CACNA1D: variants seen among roughly 807,000 people sequenced by gnomAD.
CACNA1D encodes the protein voltage-dependent L-type calcium channel subunit alpha-1D.
A neutral mutation model predicts 257.1 loss-of-function variants in CACNA1D; 55 were observed. The observed-to-expected ratio is 0.21, with a 90% CI of 0.17 to 0.27. CACNA1D has a LOEUF of 0.27. Ranked by LOEUF, CACNA1D falls within the 10% of genes least tolerant of loss-of-function variation. The pLI, the probability that CACNA1D is intolerant of heterozygous loss-of-function variation, is 1.00. For missense variants in CACNA1D, 1,876 were observed against 2,784.0 expected, an observed-to-expected ratio of 0.67 and a Z score of 7.34; for synonymous variants, 980 against 1,014.9, an observed-to-expected ratio of 0.97 and a Z score of 0.65.
At chr3:53,750,581 G>C (rs2095216395) in intron 27 of CACNA1D, among the ~76,000 whole-genome samples, 1 of 152,210 alleles carries the variant, frequency 6.6e-6, no homozygotes, top group African/African-American at 2.4e-5. Flanking sequence ...GGGTGTCCCT[G>C]TAGACTCCAC....
intron 8 of CACNA1D, among the ~76,000 whole-genome samples, chr3:53,684,175 A>G (rs927101140): frequency 6.6e-6 from 1 of 152,234 alleles, no homozygotes; most frequent in African/African-American, 2.4e-5. Context: ...AAGCAAGAAT[A>G]CCCTTCACAA....
chr3:53,769,899 G>A, intron 30 of CACNA1D, 74 bp from the exon 31 acceptor site: 1 of 1,156,170 alleles, frequency 8.6e-7, no homozygotes, highest in Non-Finnish European at 1.3e-6. Flanking sequence ...TTTTTTTAAA[G>A]GGGGAAATGC....
Position 53,655,424 on chromosome 3 carries a change from A to G in CACNA1D, c.623+4506A>G, listed in dbSNP as rs111605359. Among the ~76,000 whole-genome samples the G allele has an allele frequency of 1.2e-4, 19 of 152,170 alleles. 1 individual carries two copies. The highest frequency in any genetic ancestry group is 4.6e-4 in the African/African-American group (19 of 41,494). On this transcript the variant is annotated intron_variant, in intron 4 of 47. Transcript: ENST00000350061. Reference sequence around the variant, plus strand: ...TTCCACAATGGATGAACTAGTTCACACTCCCACCAACAGTGTATAAGCATT... The same window carrying G: ...TTCCACAATGGATGAACTAGTTCACGCTCCCACCAACAGTGTATAAGCATT...
At chr3:53,548,055 C>G (rs1166642320) in intron 3 of CACNA1D, among the ~76,000 whole-genome samples, 3 of 152,134 alleles carry the variant, frequency 2.0e-5, no homozygotes, top group Non-Finnish European at 4.4e-5. Context: ...GGCTTGTCCC[C>G]ACTTCCATCA....
At position 53,789,123 on chromosome 3, in the gene CACNA1D, G is replaced by A. The variant is rs1210795877; in HGVS notation, c.4923+2171G>A. Among the ~76,000 whole-genome samples the A allele has an allele frequency of 2.0e-5, 3 of 152,018 alleles. No homozygotes were observed. Among genetic ancestry groups the A allele is most frequent in the Admixed American group, 6.5e-5 (1 of 15,268 alleles). On this transcript the variant is annotated intron_variant, in intron 40 of 47. Coordinates refer to ENST00000350061, the MANE Select transcript of CACNA1D (RefSeq NM_001128840.3). This position sits in a 1 kb window ranked among gnomAD's most constrained non-coding sequence, Gnocchi z 4.2. Reference sequence around the variant, plus strand: ...CTTTTTGTGTTGCAATAATGTTGAGGGTTTCTCCTAAACGTTTTTCATTTT... The same window carrying A: ...CTTTTTGTGTTGCAATAATGTTGAGAGTTTCTCCTAAACGTTTTTCATTTT...
chr3:53,499,680 A>G (rs2090508274), intron 2 of CACNA1D, among the ~76,000 whole-genome samples: 1 of 152,212 alleles, frequency 6.6e-6, no homozygotes, highest in African/African-American at 2.4e-5. Flanking sequence ...CAGTGTTAGT[A>G]TTTCTCAGAT....
chr3:53,754,355 T>C (rs1282739297), intron 29 of CACNA1D, among the ~76,000 whole-genome samples: 1 of 152,200 alleles, frequency 6.6e-6, no homozygotes, highest in Non-Finnish European at 1.5e-5. Context: ...TAGTTCAGTG[T>C]CAAATTGCAT....
At chr3:53,740,206 T>G in intron 20 of CACNA1D, 74 bp from the exon 21 acceptor site, 1 of 1,062,460 alleles carries the variant, frequency 9.4e-7, no homozygotes, top group Non-Finnish European at 1.5e-6. Context: ...GATCGGGGGT[T>G]TCTGCCTGTA....
At chr3:53,531,018 ATTTTTTTT>A (rs11328561) in intron 3 of CACNA1D, among the ~76,000 whole-genome samples, 2 of 118,900 alleles carry the variant, frequency 1.7e-5, no homozygotes, top group Non-Finnish European at 3.6e-5. Flanking sequence ...GCTAATTTTA[ATTTTTTTT>A]TTTTTTTTTT....
In CACNA1D at chr3:53,665,725, G is replaced by A. The variant is rs761232494; in HGVS notation, c.832G>A (p.Val278Ile). 6.2e-7 allele frequency: 1 copy of A among 1,604,348 alleles called. No individual in the cohort carries two copies. The highest frequency in any genetic ancestry group is 8.5e-7 in the Non-Finnish European group (1 of 1,171,390). ...MVPLLHIALL[V>I]LFVIIIYAII... The stretch of plus-strand genomic sequence containing the variant: ...TCCCCTCCTTCACATAGCCCTTTTG[G>A]TATTATTTGTAATCATAATCTATGC... Residue 278 changes from valine (V) to isoleucine (I), a missense_variant, in exon 6 of 48, where the codon GTA becomes ATA. Val to Ile is a conservative substitution (Grantham distance 29). Around this residue, in one of 10 missense-constraint regions of CACNA1D, gnomAD observed 188 missense variants for 390.4 expected, o/e 0.48. Coordinates refer to ENST00000350061, the MANE Select transcript of CACNA1D (RefSeq NM_001128840.3).
intron 10 of CACNA1D, 52 bp from the exon 11 acceptor site, chr3:53,719,703 T>C: frequency 6.5e-7 from 1 of 1,532,284 alleles, no homozygotes; most frequent in Non-Finnish European, 9.0e-7. Context: ...ATGGGGAGTG[T>C]GTGCTCAAGC....
intron 30 of CACNA1D, among the ~76,000 whole-genome samples, chr3:53,764,383 T>G (rs1241147025): frequency 2.0e-5 from 3 of 152,344 alleles, no homozygotes; most frequent in South Asian, 4.1e-4. Flanking sequence ...GAACATACCC[T>G]TCTGTGAGCC....
At position 53,602,179 on chromosome 3, in the gene CACNA1D, T is replaced by G. The variant is rs1010162403; in HGVS notation, c.484-48600T>G. Among the ~76,000 whole-genome samples the G allele has an allele frequency of 2.0e-5, 3 of 152,228 alleles. No homozygotes were observed. In the East Asian group the frequency reaches 5.8e-4, roughly 29 times the overall value. Reference sequence around the variant, plus strand: ...CTCTATCTTCATGAGAGCCACTTTTTTAGCTCCTACATATAAGTGAGAATG... The same window carrying G: ...CTCTATCTTCATGAGAGCCACTTTTGTAGCTCCTACATATAAGTGAGAATG... On this transcript the variant is annotated intron_variant, in intron 3 of 47. Transcript: ENST00000350061.
chr3:53,776,824 A>G (rs2095400628), intron 36 of CACNA1D, 36 bp from the exon 37 acceptor site: 1 of 1,612,378 alleles, frequency 6.2e-7, no homozygotes, highest in Non-Finnish European at 8.5e-7. Flanking sequence ...GCCAGCTGGT[A>G]CTGTTCCTGG....
intron 32 of CACNA1D, among the ~76,000 whole-genome samples, chr3:53,770,797 T>G (rs2095362185): frequency 6.6e-6 from 1 of 152,182 alleles, no homozygotes; most frequent in African/African-American, 2.4e-5. Flanking sequence ...TCTGTAGCAT[T>G]TCCAAGACTG....
chr3:53,608,029 A>T (rs1173600797), intron 3 of CACNA1D, among the ~76,000 whole-genome samples: 1 of 152,174 alleles, frequency 6.6e-6, no homozygotes, highest in Non-Finnish European at 1.5e-5. Context: ...GTCAATTTCT[A>T]TAAAAATAGC....
chr3:53,797,372 A>G (rs1467609438), intron 40 of CACNA1D, among the ~76,000 whole-genome samples: 2 of 152,236 alleles, frequency 1.3e-5, no homozygotes, highest in Non-Finnish European at 2.9e-5. Context: ...GTGAAAAAGT[A>G]GAGTCAGTCC....
chr3:53,558,753 T>G (rs1297248545), intron 3 of CACNA1D, among the ~76,000 whole-genome samples: 7 of 152,184 alleles, frequency 4.6e-5, no homozygotes, highest in Non-Finnish European at 8.8e-5. Context: ...TTCTTCTCTA[T>G]GCTGTATGTT....
intron 9 of CACNA1D, among the ~76,000 whole-genome samples, chr3:53,715,219 C>T (rs62253777): frequency 0.03 from 4,619 of 152,284 alleles, 98 homozygotes; most frequent in East Asian, 0.092. Flanking sequence ...CTAGCGTAGG[C>T]ACTGTCCTCT....
Sources: gnomAD v4.1 joint callset for allele counts (sites outside exome capture counted in the v4.1 genomes callset) on GRCh38, gnomAD v4.1.1 for gene constraint, gnomAD v4.1.1 regional missense constraint, Gnocchi (gnomAD v3.1) non-coding constraint, MANE v1.5 for transcripts, NCBI Gene and HGNC (gene_info 2026-07-23, HGNC 2026-07-21) for gene names.